Variants in MCUB observed in about 807,000 individuals in gnomAD.
MCUB encodes mitochondrial calcium uniporter dominant negative subunit beta.
Under a neutral mutation model 41.4 loss-of-function variants are expected in MCUB, and 46 were observed. That is an observed-to-expected ratio of 1.11 (90% CI 0.88 to 1.42). MCUB has a LOEUF of 1.42. Among genes scored for constraint, MCUB ranks in the 40% most tolerant of loss-of-function variants. The probability of loss-of-function intolerance (pLI) is 0.00; values close to 1 mark genes in which losing one functional copy is unlikely to be tolerated. For synonymous variants in MCUB, 148 were observed against 148.2 expected (o/e 1.00, Z 0.01); for missense variants, 403 against 404.9 (o/e 1.00, Z 0.04).
chr4:109,609,297 T>C (rs575608834), intron 1 of MCUB, among the ~76,000 whole-genome samples: 2 of 152,152 alleles, frequency 1.3e-5, no homozygotes, highest in Non-Finnish European at 2.9e-5. Context: ...TGGTTGCCCA[T>C]TTTTATGGTT....
rs752851425 is a variant in MCUB, at chr4:109,656,354, C to CTTT, written c.100-2621_100-2619dup. ...GAGGGGCTCTAACTTTTACTCTCTA[C>CTTT]TTTTTTTTTTTTTTTTTTTTTTTTT... On this transcript the variant is annotated intron_variant, in intron 1 of 7. Transcript: ENST00000394650. Among the ~76,000 whole-genome samples, 19 of 62,116 alleles carry CTTT rather than the reference C, an allele frequency of 3.1e-4. 2 individuals carry two copies. The highest frequency in any genetic ancestry group is 6.4e-4 in the East Asian group (1 of 1,552). 40.8% of individuals were successfully genotyped at this position (62,116 alleles called of 152,430 possible). A position where few individuals can be genotyped will look rare whatever the true frequency, so the allele number is the denominator to read the frequency against.
At chr4:109,603,064 A>G (rs1469485882) in intron 1 of MCUB, among the ~76,000 whole-genome samples, 2 of 152,028 alleles carry the variant, frequency 1.3e-5, no homozygotes, top group East Asian at 1.9e-4. Flanking sequence ...GAAATTTATC[A>G]GGTTTAATAG....
At chr4:109,663,720 C>G (rs900855641) in intron 3 of MCUB, among the ~76,000 whole-genome samples, 3 of 152,204 alleles carry the variant, frequency 2.0e-5, no homozygotes, top group African/African-American at 7.2e-5. Context: ...TAGTTATACC[C>G]TTATGCCTAC....
chr4:109,619,758 T>C (rs1194673075), intron 1 of MCUB, among the ~76,000 whole-genome samples: 1 of 152,098 alleles, frequency 6.6e-6, no homozygotes, highest in Non-Finnish European at 1.5e-5. Flanking sequence ...TAGTCTGTAA[T>C]TGTATTTTGG....
chr4:109,563,317 G>T (rs1390237634), intron 1 of MCUB, among the ~76,000 whole-genome samples: 4 of 152,134 alleles, frequency 2.6e-5, no homozygotes, highest in Admixed American at 6.5e-5. Flanking sequence ...TAAGTATCGA[G>T]TATGCTTTTT....
intron 4 of MCUB, among the ~76,000 whole-genome samples, chr4:109,678,887 C>G (rs1449303364): frequency 6.9e-6 from 1 of 144,940 alleles, no homozygotes; most frequent in Non-Finnish European, 1.5e-5. Flanking sequence ...ACACTCCCCA[C>G]TTCCCAGACG....
chr4:109,571,720 G>C (rs1481738529), intron 1 of MCUB, among the ~76,000 whole-genome samples: 2 of 152,246 alleles, frequency 1.3e-5, no homozygotes, highest in African/African-American at 4.8e-5. Context: ...AAGCTGACCT[G>C]TTCCTTTGTC....
chr4:109,586,504 G>T (rs1177329919), intron 1 of MCUB, among the ~76,000 whole-genome samples: 7 of 152,152 alleles, frequency 4.6e-5, no homozygotes, highest in African/African-American at 1.7e-4. Flanking sequence ...TGCTGGTGAG[G>T]CGTGTGATCC....
intron 1 of MCUB, among the ~76,000 whole-genome samples, chr4:109,584,639 T>A (rs928094625): frequency 6.6e-6 from 1 of 152,234 alleles, no homozygotes; most frequent in Non-Finnish European, 1.5e-5. Flanking sequence ...TCCCAGAGAT[T>A]CTGGTACCTT....
intron 1 of MCUB, among the ~76,000 whole-genome samples, chr4:109,570,403 C>G (rs1332721920): frequency 2.0e-5 from 3 of 152,192 alleles, no homozygotes; most frequent in Non-Finnish European, 4.4e-5. Context: ...CTGTCATTGT[C>G]TTTATGAGAA....
At chr4:109,613,805 C>T (rs1297649789) in intron 1 of MCUB, among the ~76,000 whole-genome samples, 1 of 150,770 alleles carries the variant, frequency 6.6e-6, no homozygotes, top group African/African-American at 2.5e-5. Flanking sequence ...TAACTGCAGA[C>T]TCACAGGCAG....
chr4:109,677,765 C>T (rs1309379066), intron 4 of MCUB, among the ~76,000 whole-genome samples: 1 of 150,288 alleles, frequency 6.7e-6, no homozygotes, highest in African/African-American at 2.5e-5. Context: ...ATTTCCCAGC[C>T]TCCACTAACA....
At chr4:109,561,436 T>G (rs1483021654) in intron 1 of MCUB, among the ~76,000 whole-genome samples, 1 of 147,040 alleles carries the variant, frequency 6.8e-6, no homozygotes, top group African/African-American at 2.7e-5. Flanking sequence ...GCAGGGAATA[T>G]TTAAGTGCAT....
chr4:109,611,453 A>G (rs1561227042), intron 1 of MCUB, among the ~76,000 whole-genome samples: 1 of 152,204 alleles, frequency 6.6e-6, no homozygotes, highest in East Asian at 1.9e-4. Flanking sequence ...TTTATGGTGT[A>G]TGTATTTCCA....
chr4:109,615,234 A>G (rs1728098710), intron 1 of MCUB, among the ~76,000 whole-genome samples: 1 of 152,126 alleles, frequency 6.6e-6, no homozygotes, highest in Non-Finnish European at 1.5e-5. Flanking sequence ...AAGTTAACTT[A>G]GTGAGGTTGA....
At chr4:109,618,791 A>G (rs1728182953) in intron 1 of MCUB, among the ~76,000 whole-genome samples, 1 of 152,170 alleles carries the variant, frequency 6.6e-6, no homozygotes. Flanking sequence ...ATGTGCTTAG[A>G]ATGGTCTTTT....
chr4:109,582,523 A>T (rs1727205179), intron 1 of MCUB, among the ~76,000 whole-genome samples: 1 of 148,626 alleles, frequency 6.7e-6, no homozygotes, highest in East Asian at 2.0e-4. Context: ...CTTAAAGTAT[A>T]ATAATAATAA....
At chr4:109,574,842 G>T (rs112100417) in intron 1 of MCUB, among the ~76,000 whole-genome samples, 125 of 152,294 alleles carry the variant, frequency 8.2e-4, no homozygotes, top group African/African-American at 2.9e-3. Flanking sequence ...TACAGTGTTA[G>T]TGCCTAGAAT....
At chr4:109,582,338 G>T (rs1268978200) in intron 1 of MCUB, among the ~76,000 whole-genome samples, 1 of 137,646 alleles carries the variant, frequency 7.3e-6, no homozygotes, top group Non-Finnish European at 1.5e-5. Flanking sequence ...GAGAACACAT[G>T]GACACAGGAA....
Sources: gnomAD v4.1 joint callset for allele counts (sites outside exome capture counted in the v4.1 genomes callset) on GRCh38, gnomAD v4.1.1 for gene constraint, MANE v1.5 for transcripts, NCBI Gene and HGNC (gene_info 2026-07-23, HGNC 2026-07-21) for gene names.